Variants in SLC39A11 observed in about 807,000 individuals in gnomAD.
The protein encoded by SLC39A11 is solute carrier family 39 member 11.
A neutral mutation model predicts 36.1 loss-of-function variants in SLC39A11; 33 were observed. The observed-to-expected ratio is 0.91, with a 90% CI of 0.69 to 1.22. The LOEUF is 1.22. SLC39A11 is among the 50% of genes most tolerant of loss of function. The pLI, the probability that SLC39A11 is intolerant of heterozygous loss-of-function variation, is 0.00. For missense variants in SLC39A11, 432 were observed against 430.3 expected, an observed-to-expected ratio of 1.00 and a Z score of -0.03; for synonymous variants, 166 against 170.3, an observed-to-expected ratio of 0.97 and a Z score of 0.20.
At chr17:72,651,375 C>A (rs771298982) in intron 7 of SLC39A11, among the ~76,000 whole-genome samples, 1 of 152,102 alleles carries the variant, frequency 6.6e-6, no homozygotes, top group Non-Finnish European at 1.5e-5. Flanking sequence ...CCAACACAGG[C>A]TGGGAGCCGA....
intron 3 of SLC39A11, among the ~76,000 whole-genome samples, chr17:73,035,162 G>T (rs1389824178): frequency 6.6e-6 from 1 of 152,010 alleles, no homozygotes; most frequent in Non-Finnish European, 1.5e-5. Context: ...TTTTTGTTTC[G>T]AGACAGAGTC....
At chr17:72,980,543 C>T (rs536305608) in intron 4 of SLC39A11, among the ~76,000 whole-genome samples, 3 of 152,276 alleles carry the variant, frequency 2.0e-5, no homozygotes, top group South Asian at 4.1e-4. Flanking sequence ...TCTTGAAATT[C>T]GCAAGCTGAT....
At chr17:72,782,640 G>T (rs1396219443) in intron 6 of SLC39A11, among the ~76,000 whole-genome samples, 1 of 143,440 alleles carries the variant, frequency 7.0e-6, no homozygotes, top group Non-Finnish European at 1.5e-5. Context: ...ATGAGCTGAG[G>T]TTGCATCACT....
chr17:72,666,012 G>A (rs117696940), intron 7 of SLC39A11, among the ~76,000 whole-genome samples: 61 of 152,300 alleles, frequency 4.0e-4, no homozygotes, highest in African/African-American at 9.1e-4. Flanking sequence ...GCAGATGCAC[G>A]TCTAAGAGTT....
chr17:72,749,095 T>C (rs2075052503), intron 6 of SLC39A11, among the ~76,000 whole-genome samples: 1 of 152,188 alleles, frequency 6.6e-6, no homozygotes, highest in South Asian at 2.1e-4. Flanking sequence ...TGAGGTAGGT[T>C]CTGACTCAGT....
At chr17:73,016,826 C>T (rs1224093841) in intron 4 of SLC39A11, among the ~76,000 whole-genome samples, 1 of 152,226 alleles carries the variant, frequency 6.6e-6, no homozygotes, top group African/African-American at 2.4e-5. Flanking sequence ...CCTGAATCAG[C>T]CAGTGTCCTG....
intron 5 of SLC39A11, among the ~76,000 whole-genome samples, chr17:72,898,413 T>C (rs2082140521): frequency 1.3e-5 from 2 of 152,182 alleles, no homozygotes; most frequent in Admixed American, 1.3e-4. Flanking sequence ...GTTAGCACTT[T>C]AGAACAGCCC....
chr17:72,865,937 A>G (rs1322090195), intron 5 of SLC39A11, among the ~76,000 whole-genome samples: 2 of 152,240 alleles, frequency 1.3e-5, no homozygotes, highest in Non-Finnish European at 2.9e-5. Context: ...ATATTGGCTC[A>G]ATGACTAACC....
chr17:73,002,602 T>C (rs116467838), intron 4 of SLC39A11, among the ~76,000 whole-genome samples: 3 of 152,280 alleles, frequency 2.0e-5, no homozygotes, highest in Admixed American at 6.5e-5. Context: ...CAGAGAGCAA[T>C]GCCAGCTCCC....
chr17:72,647,327 G>T lies in SLC39A11; in HGVS notation c.*257C>A. 1 of 310,136 alleles carries T rather than the reference G, an allele frequency of 3.2e-6. No homozygotes were observed. Among genetic ancestry groups the T allele is most frequent in the South Asian group, 5.2e-5 (1 of 19,106 alleles). 19.2% of individuals were successfully genotyped at this position (310,136 alleles called of 1,614,324 possible). A position where few individuals can be genotyped will look rare whatever the true frequency, so the allele number is the denominator to read the frequency against. ...TCTGAAGTTCCTTGATAATCCCACT[G>T]AAGAGAGAGTCCATTCAGTGGCCAA... On this transcript the variant is annotated 3_prime_UTR_variant, in exon 10 of 10. Transcript: ENST00000255559.
rs566224194 is a variant in SLC39A11, at chr17:72,646,874, T to C, written c.*710A>G. On this transcript the variant is annotated 3_prime_UTR_variant, in exon 10 of 10. Coordinates refer to ENST00000255559, the MANE Select transcript of SLC39A11 (RefSeq NM_139177.4). The stretch of plus-strand genomic sequence containing the variant: ...ACAAACCCACACTCTGTCTGTCTCT[T>C]CTTTCCACAGGGCTCACTGTGAGTT... 1 of 152,182 alleles carries C rather than the reference T, an allele frequency of 6.6e-6. No individual in the cohort carries two copies. The highest frequency in any genetic ancestry group is 2.4e-5 in the African/African-American group (1 of 41,468). 9.4% of individuals were successfully genotyped at this position (152,182 alleles called of 1,614,324 possible).
chr17:73,058,672 G>A (rs939740483), intron 3 of SLC39A11, among the ~76,000 whole-genome samples: 7 of 152,090 alleles, frequency 4.6e-5, no homozygotes, highest in Admixed American at 1.3e-4. Context: ...GCAGTGAGTC[G>A]AGATCGCACC....
At chr17:72,658,178 G>A (rs1021314331) in intron 7 of SLC39A11, among the ~76,000 whole-genome samples, 3 of 151,390 alleles carry the variant, frequency 2.0e-5, no homozygotes, top group Admixed American at 2.0e-4. Flanking sequence ...AGATGGAGGG[G>A]GGCTGGGCCC....
At position 72,647,570 on chromosome 17, in the gene SLC39A11, G is replaced by A. The variant is rs372923746; in HGVS notation, c.*14C>T. ...CTTCGTATGGCCTTTCCCGGGGTCC[G>A]AAGCGTCTCAGCCCTAGCCCAGGCC... On this transcript the variant is annotated 3_prime_UTR_variant, in exon 10 of 10. Coordinates refer to ENST00000255559, the MANE Select transcript of SLC39A11 (RefSeq NM_139177.4). 1.5e-5 allele frequency: 24 copies of A among 1,611,902 alleles called. No individual in the cohort carries two copies. The African/African-American group carries it at 2.0e-4, about 13-fold the overall frequency.
intron 7 of SLC39A11, among the ~76,000 whole-genome samples, chr17:72,689,786 G>A (rs529241612): frequency 1.1e-3 from 169 of 152,338 alleles, no homozygotes; most frequent in African/African-American, 4.0e-3. Flanking sequence ...GCCAAAGGCT[G>A]TGGGGGGAGG....
At chr17:72,830,236 C>A (rs1351701214) in intron 6 of SLC39A11, among the ~76,000 whole-genome samples, 1 of 152,184 alleles carries the variant, frequency 6.6e-6, no homozygotes, top group African/African-American at 2.4e-5. Context: ...CTGGATATCG[C>A]CCCCTCCAAT....
intron 7 of SLC39A11, among the ~76,000 whole-genome samples, chr17:72,716,974 A>ATAT (rs1362158317): frequency 1.7e-5 from 2 of 120,216 alleles, no homozygotes; most frequent in African/African-American, 7.6e-5. Flanking sequence ...GTCTCAAAAA[A>ATAT]AAAAAAATAT....
At chr17:72,678,778 T>C (rs1000012393) in intron 7 of SLC39A11, among the ~76,000 whole-genome samples, 1 of 152,072 alleles carries the variant, frequency 6.6e-6, no homozygotes, top group African/African-American at 2.4e-5. Context: ...TCACAAATAA[T>C]TTCTGAGCTC....
intron 6 of SLC39A11, among the ~76,000 whole-genome samples, chr17:72,844,497 T>C (rs897102174): frequency 6.6e-6 from 1 of 152,108 alleles, no homozygotes; most frequent in Admixed American, 6.6e-5. Flanking sequence ...GGCAAAATCT[T>C]GCCTCAACCA....
Sources: gnomAD v4.1 joint callset for allele counts (sites outside exome capture counted in the v4.1 genomes callset) on GRCh38, gnomAD v4.1.1 for gene constraint, MANE v1.5 for transcripts, NCBI Gene and HGNC (gene_info 2026-07-23, HGNC 2026-07-21) for gene names.